GPRC5D: variants seen among roughly 807,000 people sequenced by gnomAD.
GPRC5D encodes G protein-coupled receptor family C group 5 member D.
GPRC5D carries 20 observed loss-of-function variants against 29.3 expected under a neutral mutation model. The observed-to-expected ratio is 0.68, with a 90% CI of 0.48 to 0.99. The LOEUF (loss-of-function observed/expected upper bound fraction) is 0.99, where lower values mean the gene tolerates loss of function less well. GPRC5D is among the 50% of genes least tolerant of loss of function. The pLI is 0.00. For synonymous variants in GPRC5D, 178 were observed against 171.3 expected, an observed-to-expected ratio of 1.04 and a Z score of -0.30; for missense variants, 384 against 423.6, an observed-to-expected ratio of 0.91 and a Z score of 0.82.
upstream of GPRC5D, among the ~76,000 whole-genome samples, chr12:12,951,020 G>A (rs1310553174): frequency 6.6e-6 from 1 of 151,848 alleles, no homozygotes; most frequent in Non-Finnish European, 1.5e-5. Context: ...TGAGGCAGGA[G>A]AATTGCTTGA....
chr12:12,942,367 A>C lies in GPRC5D; in HGVS notation c.896-39T>G, dbSNP rs1026954934. The C allele has an allele frequency of 2.2e-6, 3 of 1,361,864 alleles. No homozygotes were observed. The African/African-American group carries it at 4.3e-5, about 19-fold the overall frequency. 84.4% of individuals were successfully genotyped at this position (1,361,864 alleles called of 1,614,324 possible). A position where few individuals can be genotyped will look rare whatever the true frequency, so the allele number is the denominator to read the frequency against. Reference sequence around the variant, plus strand: ...GAGGGAAGGGCTGGGTTAGTGTCCGAGAGTCAATCGGAAACAGCACATGAG... The same window carrying C: ...GAGGGAAGGGCTGGGTTAGTGTCCGCGAGTCAATCGGAAACAGCACATGAG... On this transcript the variant is annotated intron_variant, in intron 1 of 2. Transcript: ENST00000228887.
chr12:12,946,298 TCC>T (rs1863323870), intron 1 of GPRC5D, among the ~76,000 whole-genome samples: 12 of 30,272 alleles, frequency 4.0e-4, no homozygotes, highest in South Asian at 3.4e-3. Flanking sequence ...CTTTCTTCCT[TCC>T]TTCCTTCCTT....
At chr12:12,950,504 T>C (rs1016304864), upstream of GPRC5D, 19 of 711,950 alleles carry the variant, frequency 2.7e-5, no homozygotes, top group Non-Finnish European at 4.2e-5. Flanking sequence ...TGCTTTTTGC[T>C]ATTAAAAGTA....
chr12:12,944,846 C>CTTTCT (rs371537149), intron 1 of GPRC5D, among the ~76,000 whole-genome samples: 1 of 31,220 alleles, frequency 3.2e-5, no homozygotes, highest in African/African-American at 1.0e-4. Flanking sequence ...TCCTTCCTTC[C>CTTTCT]TTCCTTCTTT....
chr12:12,946,282 TCC>T (rs1280016653), intron 1 of GPRC5D, among the ~76,000 whole-genome samples: 150 of 105,630 alleles, frequency 1.4e-3, no homozygotes, highest in African/African-American at 4.8e-3. Flanking sequence ...CTTCCTTCCT[TCC>T]TTCCTTTCTT....
Position 12,947,546 on chromosome 12 carries a change from T to G in GPRC5D, c.895+1944A>C, listed in dbSNP as rs537465048. 5.5e-4 allele frequency among the ~76,000 whole-genome samples: 79 copies of G among 142,406 alleles called. No homozygotes were observed. In the South Asian group the frequency reaches 0.019, roughly 34 times the overall value. 93.4% of individuals were successfully genotyped at this position (142,406 alleles called of 152,430 possible). ...CTTTCTTCCTTCCTTCCTTCCTCCC[T>G]CCCTCCCTCCCTCCCTTCTTTCTTT... On this transcript the variant is annotated intron_variant, in intron 1 of 2. Coordinates refer to ENST00000228887, the Ensembl canonical transcript of GPRC5D.
At chr12:12,950,445 G>A, upstream of GPRC5D, 3 of 1,141,834 alleles carry the variant, frequency 2.6e-6, no homozygotes, top group Non-Finnish European at 3.8e-6. Context: ...GAAAAAGGAT[G>A]AGACAAATTG....
chr12:12,949,628 A>T (rs777649046), exon 1 of GPRC5D: 3 of 1,614,182 alleles, frequency 1.9e-6, no homozygotes, highest in Non-Finnish European at 2.5e-6. Context: ...AGCAGCAGGA[A>T]AACCCATGCG....
chr12:12,944,709 T>C (rs1863230274), intron 1 of GPRC5D, among the ~76,000 whole-genome samples: 1 of 151,816 alleles, frequency 6.6e-6, no homozygotes, highest in Admixed American at 6.6e-5. Context: ...AAACACTGGA[T>C]GGAAAAATGC....
chr12:12,944,823 TTCCTTCC>T (rs1863245283), intron 1 of GPRC5D, among the ~76,000 whole-genome samples: 1 of 8,452 alleles, frequency 1.2e-4, no homozygotes, highest in African/African-American at 1.8e-4. Context: ...CCTTCCTTCC[TTCCTTCC>T]TTCCTTCCTT....
chr12:12,944,881 CT>C (rs1277699214), intron 1 of GPRC5D, among the ~76,000 whole-genome samples: 1 of 125,532 alleles, frequency 8.0e-6, no homozygotes, highest in African/African-American at 2.8e-5. Context: ...TTCTTTCTTT[CT>C]TTCTTTCTTT....
At chr12:12,944,674 A>C (rs571926360) in intron 1 of GPRC5D, among the ~76,000 whole-genome samples, 1 of 151,996 alleles carries the variant, frequency 6.6e-6, no homozygotes, top group African/African-American at 2.4e-5. Context: ...AAAAAGAATC[A>C]TATGAGGTTT....
chr12:12,942,136 G>C lies in GPRC5D; in HGVS notation c.963+125C>G, dbSNP rs1220272975. On this transcript the variant is annotated intron_variant, in intron 2 of 2. Transcript: ENST00000228887. ...TGGCTCAAGCTCCACATGCCTTTAG[G>C]GATGCTCCTGCTCTGTCTCTCCTCT... The C allele has an allele frequency of 4.2e-6, 3 of 716,244 alleles. No homozygotes were observed. The East Asian group carries it at 7.6e-5, about 18-fold the overall frequency. 44.4% of individuals were successfully genotyped at this position (716,244 alleles called of 1,614,324 possible). A position where few individuals can be genotyped will look rare whatever the true frequency, so the allele number is the denominator to read the frequency against.
In GPRC5D at chr12:12,950,155, G is replaced by C. The variant is rs764303503; in HGVS notation, c.230C>G (p.Ala77Gly). ...ATTGAGCTCGATGATGAAGGCAAAAGCGAGTCCGAAGAGCCCCAGGACACT... is the reference window on the plus strand; with the variant it reads ...ATTGAGCTCGATGATGAAGGCAAAACCGAGTCCGAAGAGCCCCAGGACACT... The change falls in exon 1 of 3, where the codon GCT (alanine) becomes GGT (glycine). Residue 77 changes from alanine (A) to glycine (G), a missense_variant. By Grantham distance (60) the Ala-to-Gly change is moderately conservative. Transcript: ENST00000228887. The C allele has an allele frequency of 2.5e-6, 4 of 1,614,002 alleles. No individual in the cohort carries two copies. The East Asian group carries it at 8.9e-5, about 36-fold the overall frequency.
At chr12:12,941,978 C>T (rs1473564658) in intron 2 of GPRC5D, among the ~76,000 whole-genome samples, 1 of 152,232 alleles carries the variant, frequency 6.6e-6, no homozygotes, top group Non-Finnish European at 1.5e-5. Context: ...CACCTTCACA[C>T]AGAAGCTTCA....
chr12:12,942,835 G>A (rs760829590), intron 1 of GPRC5D, among the ~76,000 whole-genome samples: 14 of 152,196 alleles, frequency 9.2e-5, no homozygotes, highest in South Asian at 2.1e-4. Flanking sequence ...CGTGGGTAGC[G>A]TGTGAGTGTT....
intron 1 of GPRC5D, chr12:12,944,378 C>T (rs561468813): frequency 6.6e-6 from 1 of 152,312 alleles, no homozygotes; most frequent in Admixed American, 6.5e-5. Context: ...CTAGTTCTCT[C>T]TCTGTGACCT....
rs772324651 is a variant in GPRC5D, at chr12:12,949,756, A to G, written c.629T>C (p.Val210Ala). ...CACCCAGATGATGATGGAGAAGAGC[A>G]CAGTGATAAAGATGAGCCTTCCATG... is the stretch of plus-strand genomic sequence containing the variant. Residue 210 changes from valine to alanine, a missense_variant, in exon 1 of 3, where the codon GTG becomes GCG. Physicochemically the swap from Val to Ala is moderately conservative, Grantham distance 64. Coordinates refer to ENST00000228887, the Ensembl canonical transcript of GPRC5D. 8.1e-6 allele frequency: 13 copies of G among 1,614,206 alleles called. No homozygotes were observed. The Admixed American group carries it at 2.2e-4, about 27-fold the overall frequency.
chr12:12,951,337 A>T (rs1329919349), upstream of GPRC5D, among the ~76,000 whole-genome samples: 1 of 152,108 alleles, frequency 6.6e-6, no homozygotes, highest in East Asian at 1.9e-4. Flanking sequence ...ATTTTGTTTG[A>T]CTCCTGATAC....
Sources: allele counts gnomAD v4.1 joint callset (sites outside exome capture counted in the v4.1 genomes callset), GRCh38; gene constraint gnomAD v4.1.1; transcripts MANE v1.5; gene names NCBI Gene and HGNC (gene_info 2026-07-23, HGNC 2026-07-21).